MTMR8: variants seen among roughly 807,000 people sequenced by gnomAD.
The protein encoded by MTMR8 is phosphatidylinositol-3,5-bisphosphate 3-phosphatase MTMR8.
In MTMR8, 65 loss-of-function variants were observed where a neutral mutation model predicts 39.3. The observed-to-expected ratio is 1.65, with a 90% CI of 1.35 to 2.03. The LOEUF (loss-of-function observed/expected upper bound fraction) is 2.03. Ranked by LOEUF, MTMR8 falls within the 30% of genes most tolerant of loss-of-function variation. The pLI is 0.00. For missense variants in MTMR8, 777 were observed against 538.9 expected, an observed-to-expected ratio of 1.44 and a Z score of -4.37; for synonymous variants, 245 against 185.2, an observed-to-expected ratio of 1.32 and a Z score of -2.62.
intron 12 of MTMR8, among the ~76,000 whole-genome samples, chrX:64,303,619 T>C (rs1401994000): frequency 8.9e-6 from 1 of 112,473 alleles, no homozygotes; most frequent in East Asian, 2.8e-4. Context: ...GAGTTCTTAC[T>C]GTATAAATTA....
At chrX:64,287,839 G>T (rs1413292488) in intron 12 of MTMR8, among the ~76,000 whole-genome samples, 1 of 105,297 alleles carries the variant, frequency 9.5e-6, no homozygotes, top group Non-Finnish European at 2.0e-5. Context: ...AGACTTACAT[G>T]TTAGACCTAA....
intron 12 of MTMR8, among the ~76,000 whole-genome samples, chrX:64,309,135 G>T (rs1439749814): frequency 8.9e-6 from 1 of 112,029 alleles, no homozygotes; most frequent in African/African-American, 3.2e-5. Context: ...CAGCCTGTCA[G>T]TATTCACAAA....
chrX:64,351,040 A>G (rs1003569136), intron 4 of MTMR8, among the ~76,000 whole-genome samples: 2 of 111,989 alleles, frequency 1.8e-5, no homozygotes, highest in African/African-American at 6.5e-5. Flanking sequence ...AGACCATTTG[A>G]AAATGTTTTC....
intron 1 of MTMR8, among the ~76,000 whole-genome samples, chrX:64,383,530 G>A (rs1387951145): frequency 9.2e-6 from 1 of 109,277 alleles, no homozygotes; most frequent in Admixed American, 9.9e-5. Flanking sequence ...CATGATGTTG[G>A]CATGTACTCA....
At position 64,343,250 on chromosome X, in the gene MTMR8, A is replaced by C. The variant is rs2073052; in HGVS notation, c.975+361T>G. 2.1e-4 allele frequency among the ~76,000 whole-genome samples: 24 copies of C among 112,021 alleles called. No individual in the cohort carries two copies. The East Asian group carries it at 6.5e-3, about 30-fold the overall frequency. On this transcript the variant is annotated intron_variant, in intron 8 of 13. Coordinates refer to ENST00000374852, the MANE Select transcript of MTMR8 (RefSeq NM_017677.4). ...ATCAATTATCAATTAGAGATCACCT[A>C]AGAGTTTTTAATGTGAAGTCCAGGG...
At chrX:64,355,032 A>G (rs1923587801) in intron 3 of MTMR8, 98 bp from the exon 4 acceptor site, 7 of 787,298 alleles carry the variant, frequency 8.9e-6, no homozygotes, top group Non-Finnish European at 1.0e-5. Context: ...TTCCTAAGGG[A>G]ATGTTTGTCA....
intron 1 of MTMR8, among the ~76,000 whole-genome samples, chrX:64,392,512 T>C (rs1237759680): frequency 2.7e-5 from 3 of 112,163 alleles, no homozygotes; most frequent in Non-Finnish European, 5.6e-5. Context: ...GAGGTCAGTA[T>C]AGTAGTTTAC....
At chrX:64,292,005 C>A (rs935821535) in intron 12 of MTMR8, among the ~76,000 whole-genome samples, 2 of 111,762 alleles carry the variant, frequency 1.8e-5, no homozygotes, top group African/African-American at 6.5e-5. Context: ...TACCTCTGGA[C>A]CACATGTGGG....
intron 7 of MTMR8, 70 bp downstream of exon 7, chrX:64,344,975 G>C (rs1414874103): frequency 9.0e-7 from 1 of 1,115,821 alleles, no homozygotes; most frequent in African/African-American, 1.8e-5. Flanking sequence ...CCCCAAATCA[G>C]GCATGCTTTC....
At chrX:64,327,447 T>C (rs1485251403) in intron 12 of MTMR8, among the ~76,000 whole-genome samples, 1 of 111,722 alleles carries the variant, frequency 9.0e-6, no homozygotes, top group Admixed American at 9.5e-5. Context: ...TCACCAATCA[T>C]CACGAAAATG....
chrX:64,311,878 C>T (rs1279919996), intron 12 of MTMR8, among the ~76,000 whole-genome samples: 19 of 107,151 alleles, frequency 1.8e-4, no homozygotes, highest in Non-Finnish European at 1.7e-4. Flanking sequence ...TGCTTTGGTA[C>T]CAGCACGATG....
chrX:64,268,932 C>A lies in MTMR8; in HGVS notation c.1720G>T (p.Gly574Cys). ...AGGGTATTCAGGTCTCCATTGATAC[C>A]CATAAAGCCAAGAGGATTGGTCAAA... ...SPLTNPLGFM[G>C]INGDLNTLME... The change falls in exon 14 of 14, where the codon GGT (glycine) becomes TGT (cysteine). Residue 574 changes from glycine to cysteine, a missense_variant. Gly to Cys is a radical substitution (Grantham distance 159, BLOSUM62 -3). Transcript: ENST00000374852. The A allele has an allele frequency of 8.3e-7, 1 of 1,211,487 alleles. No homozygotes were observed. Among genetic ancestry groups the A allele is most frequent in the Non-Finnish European group, 1.1e-6 (1 of 895,455 alleles).
intron 4 of MTMR8, among the ~76,000 whole-genome samples, chrX:64,350,310 T>G (rs1007945560): frequency 9.1e-6 from 1 of 109,818 alleles, no homozygotes; most frequent in Non-Finnish European, 1.9e-5. Context: ...AAAGAGTACA[T>G]CATATTTCCT....
chrX:64,389,049 C>A (rs1602161480), intron 1 of MTMR8, among the ~76,000 whole-genome samples: 1 of 111,645 alleles, frequency 9.0e-6, no homozygotes, highest in East Asian at 2.8e-4. Context: ...CAGCTCTGGG[C>A]AAGTTGCTTA....
intron 1 of MTMR8, among the ~76,000 whole-genome samples, chrX:64,394,979 C>G (rs913917116): frequency 1.1e-4 from 12 of 112,159 alleles, no homozygotes; most frequent in African/African-American, 3.6e-4. Context: ...GGGGTATTCG[C>G]GAATGGCGGT....
In MTMR8 at chrX:64,380,431, G is replaced by T. The variant is rs779029477; in HGVS notation, c.24+14909C>A. Reference sequence around the variant, plus strand: ...ACATATTCGGGCTCCACCCTCAAAGGTTAACTTAATTGGCCTGAGGTGAGG... The same window carrying T: ...ACATATTCGGGCTCCACCCTCAAAGTTTAACTTAATTGGCCTGAGGTGAGG... On this transcript the variant is annotated intron_variant, in intron 1 of 13. Coordinates refer to ENST00000374852, the MANE Select transcript of MTMR8 (RefSeq NM_017677.4). 8.2e-4 allele frequency among the ~76,000 whole-genome samples: 92 copies of T among 112,491 alleles called. 1 individual carries two copies. The highest frequency in any genetic ancestry group is 2.0e-3 in the Admixed American group (21 of 10,619).
intron 1 of MTMR8, among the ~76,000 whole-genome samples, chrX:64,387,279 T>C (rs765512915): frequency 9.0e-6 from 1 of 110,664 alleles, no homozygotes; most frequent in South Asian, 3.9e-4. Flanking sequence ...CCTTATGCAG[T>C]CCTGAATGGT....
At chrX:64,367,897 G>A (rs1029536338) in intron 1 of MTMR8, among the ~76,000 whole-genome samples, 1 of 111,915 alleles carries the variant, frequency 8.9e-6, no homozygotes, top group Non-Finnish European at 1.9e-5. Flanking sequence ...AAGCTGATAG[G>A]CAACTTCAGC....
chrX:64,299,451 C>G lies in MTMR8; in HGVS notation c.1482-28378G>C, dbSNP rs1250486828. ...TCCCCTTTATCATTTTTTATTGTGT[C>G]TATTTGAGTCTTCTCTCTTTTTTTC... On this transcript the variant is annotated intron_variant, in intron 12 of 13. Coordinates refer to ENST00000374852, the MANE Select transcript of MTMR8 (RefSeq NM_017677.4). 1.2e-4 allele frequency among the ~76,000 whole-genome samples: 13 copies of G among 107,555 alleles called. No individual in the cohort carries two copies. The East Asian group carries it at 3.5e-3, about 29-fold the overall frequency. 93.4% of individuals were successfully genotyped at this position (107,555 alleles called of 115,157 possible). A position where few individuals can be genotyped will look rare whatever the true frequency, so the allele number is the denominator to read the frequency against.
Sources: gnomAD v4.1 joint callset for allele counts (sites outside exome capture counted in the v4.1 genomes callset) on GRCh38, gnomAD v4.1.1 for gene constraint, MANE v1.5 for transcripts, NCBI Gene and HGNC (gene_info 2026-07-23, HGNC 2026-07-21) for gene names.